MALRD1: variants seen among roughly 807,000 people sequenced by gnomAD.
MALRD1 encodes MAM and LDL receptor class A domain containing 1, also known as MAM and LDL-receptor class A domain-containing protein 1.
MALRD1 carries 247 observed loss-of-function variants against 242.1 expected under a neutral mutation model. The ratio of observed to expected loss-of-function variants is 1.02; its 90% CI spans 0.92 to 1.13. The LOEUF (loss-of-function observed/expected upper bound fraction) is 1.13. MALRD1 is among the 50% of genes most tolerant of loss of function. The pLI, the probability that MALRD1 is intolerant of heterozygous loss-of-function variation, is 0.00. For synonymous variants in MALRD1, 995 were observed against 866.6 expected (o/e 1.15, Z -2.60); for missense variants, 2,989 against 2,533.1 (o/e 1.18, Z -3.86).
At position 19,108,664 on chromosome 10, in the gene MALRD1, G is replaced by A. The variant is rs555662147; in HGVS notation, c.694+4589G>A. ...GATCTCCTGACCTCATGATCCACCC[G>A]CCTCGGCCTCCCAAAGTGCTGGGAT... is the stretch of plus-strand genomic sequence containing the variant. On this transcript the variant is annotated intron_variant, in intron 5 of 39. Coordinates refer to ENST00000454679, the MANE Select transcript of MALRD1 (RefSeq NM_001142308.3). Among the ~76,000 whole-genome samples the A allele has an allele frequency of 2.8e-3, 76 of 26,716 alleles. 29 individuals are homozygous for A. The highest frequency in any genetic ancestry group is 0.028 in the African/African-American group (59 of 2,090). 17.5% of individuals were successfully genotyped at this position (26,716 alleles called of 152,430 possible). A position where few individuals can be genotyped will look rare whatever the true frequency, so the allele number is the denominator to read the frequency against.
chr10:19,490,493 A>C (rs926824574), intron 29 of MALRD1, among the ~76,000 whole-genome samples: 5 of 59,404 alleles, frequency 8.4e-5, no homozygotes, highest in African/African-American at 3.0e-4. Flanking sequence ...TAAACAGAAG[A>C]AGCCAAGTGG....
intron 11 of MALRD1, among the ~76,000 whole-genome samples, chr10:19,154,252 G>C (rs566204976): frequency 6.6e-5 from 10 of 152,254 alleles, no homozygotes; most frequent in Admixed American, 2.0e-4. Context: ...ACATGTGATG[G>C]AGTCTATAAA....
intron 14 of MALRD1, among the ~76,000 whole-genome samples, chr10:19,192,241 G>T (rs1310359928): frequency 1.3e-5 from 2 of 152,164 alleles, no homozygotes; most frequent in Admixed American, 6.5e-5. Context: ...GAGATGAAAA[G>T]AGTTTTGGAC....
At chr10:19,078,467 G>T (rs141355994) in intron 2 of MALRD1, among the ~76,000 whole-genome samples, 38 of 151,930 alleles carry the variant, frequency 2.5e-4, no homozygotes, top group African/African-American at 8.2e-4. Flanking sequence ...CATCAGTTAT[G>T]TTGTTCTCTT....
chr10:19,460,735 G>A (rs1467535645), intron 29 of MALRD1, among the ~76,000 whole-genome samples: 2 of 152,126 alleles, frequency 1.3e-5, no homozygotes, highest in Admixed American at 1.3e-4. Context: ...GGTAAACATA[G>A]TATAAAATGT....
chr10:19,497,523 G>A (rs1837776959), intron 30 of MALRD1, among the ~76,000 whole-genome samples: 1 of 151,950 alleles, frequency 6.6e-6, no homozygotes, highest in African/African-American at 2.4e-5. Context: ...AAAGTTTTGT[G>A]TGGAAATATT....
At chr10:19,166,860 C>A (rs1834706888) in intron 13 of MALRD1, among the ~76,000 whole-genome samples, 2 of 152,138 alleles carry the variant, frequency 1.3e-5, no homozygotes, top group African/African-American at 2.4e-5. Context: ...TGGTGGAAAG[C>A]ACACTGTTTT....
In MALRD1 at chr10:19,160,706, G is replaced by A. The variant is rs1442591450; in HGVS notation, c.1657-4931G>A. Reference sequence around the variant, plus strand: ...TTAGTCTTGGGAGAGTGTATGTGTCGAGGAATGTATCCATTTCTTCTAGAT... The same window carrying A: ...TTAGTCTTGGGAGAGTGTATGTGTCAAGGAATGTATCCATTTCTTCTAGAT... On this transcript the variant is annotated intron_variant, in intron 12 of 39. Transcript: ENST00000454679. Among the ~76,000 whole-genome samples the A allele has an allele frequency of 9.3e-5, 6 of 64,854 alleles. No homozygotes were observed. In the East Asian group the frequency reaches 1.5e-3, roughly 16 times the overall value. The allele number at this position is 64,854 out of a possible 152,430, so 42.5% of individuals were successfully genotyped here. A position where few individuals can be genotyped will look rare whatever the true frequency, so the allele number is the denominator to read the frequency against.
intron 14 of MALRD1, among the ~76,000 whole-genome samples, chr10:19,191,293 A>C (rs973277984): frequency 1.3e-5 from 2 of 152,140 alleles, no homozygotes; most frequent in African/African-American, 4.8e-5. Flanking sequence ...TTACTACCCA[A>C]AAATAATAAA....
At chr10:19,302,184 G>A (rs911538939) in intron 21 of MALRD1, among the ~76,000 whole-genome samples, 6 of 151,730 alleles carry the variant, frequency 4.0e-5, no homozygotes, top group Admixed American at 1.3e-4. Context: ...AATTATACAG[G>A]CAACTGTGAA....
intron 28 of MALRD1, among the ~76,000 whole-genome samples, chr10:19,435,972 A>G (rs369052916): frequency 1.3e-5 from 2 of 152,158 alleles, no homozygotes; most frequent in African/African-American, 4.8e-5. Context: ...GTGGGTTATA[A>G]TTCAATAGTA....
intron 36 of MALRD1, among the ~76,000 whole-genome samples, chr10:19,638,204 GTATC>G (rs924819984): frequency 6.6e-6 from 1 of 150,898 alleles, no homozygotes; most frequent in Non-Finnish European, 1.5e-5. Context: ...TATAAGGTAA[GTATC>G]TAAGCAAAGC....
At chr10:19,296,140 A>G (rs190222954) in intron 21 of MALRD1, among the ~76,000 whole-genome samples, 2 of 152,270 alleles carry the variant, frequency 1.3e-5, no homozygotes, top group African/African-American at 4.8e-5. Context: ...AGCCATCTAT[A>G]CTAGGCAGAT....
intron 32 of MALRD1, among the ~76,000 whole-genome samples, chr10:19,557,152 A>G (rs1049214493): frequency 7.2e-5 from 11 of 151,900 alleles, no homozygotes; most frequent in African/African-American, 2.7e-4. Flanking sequence ...TTATTTTCTT[A>G]TTTTTGAGTT....
At chr10:19,243,637 A>T (rs1838903109) in intron 18 of MALRD1, among the ~76,000 whole-genome samples, 1 of 152,166 alleles carries the variant, frequency 6.6e-6, no homozygotes, top group Non-Finnish European at 1.5e-5. Context: ...TTCAAGCATT[A>T]AGATTTGTTT....
intron 26 of MALRD1, among the ~76,000 whole-genome samples, chr10:19,379,919 AGTGT>A (rs924243742): frequency 6.6e-6 from 1 of 151,152 alleles, no homozygotes; most frequent in Non-Finnish European, 1.5e-5. Flanking sequence ...TGATTCTGTC[AGTGT>A]GTGTTTGTTG....
chr10:19,687,921 ATGTTATGTTATG>A, intron 36 of MALRD1, among the ~76,000 whole-genome samples: 1 of 23,234 alleles, frequency 4.3e-5, no homozygotes, highest in Non-Finnish European at 7.7e-5. Context: ...ATGTTATGTT[ATGTTATGTTATG>A]TTATGTTATG....
chr10:19,371,633 T>C (rs370763907), intron 26 of MALRD1, among the ~76,000 whole-genome samples: 6 of 152,340 alleles, frequency 3.9e-5, no homozygotes, highest in African/African-American at 1.4e-4. Flanking sequence ...TATTGCTAGA[T>C]TTTAGCTAAT....
At chr10:19,522,350 C>A (rs917657669) in intron 31 of MALRD1, among the ~76,000 whole-genome samples, 2 of 152,074 alleles carry the variant, frequency 1.3e-5, no homozygotes, top group Admixed American at 1.3e-4. Flanking sequence ...GTAAAAGGAA[C>A]TGAGATTAAA....
Sources: allele counts gnomAD v4.1 joint callset (sites outside exome capture counted in the v4.1 genomes callset), GRCh38; gene constraint gnomAD v4.1.1; transcripts MANE v1.5; gene names NCBI Gene and HGNC (gene_info 2026-07-23, HGNC 2026-07-21).